Variants in IKZF2 observed in about 807,000 individuals in gnomAD.
IKZF2 encodes zinc finger protein Helios.
In IKZF2, 15 loss-of-function variants were observed where a neutral mutation model predicts 49.2. That is an observed-to-expected ratio of 0.30 (90% CI 0.20 to 0.47). The LOEUF (loss-of-function observed/expected upper bound fraction) is 0.47. Among genes scored for constraint, IKZF2 ranks in the 20% least tolerant of loss-of-function variants. IKZF2 has a pLI of 1.00. For missense variants in IKZF2, 567 were observed against 664.6 expected (o/e 0.85, Z 1.61); for synonymous variants, 227 against 221.4 (o/e 1.03, Z -0.23).
chr2:213,011,091 C>T (rs1455853544), intron 8 of IKZF2, among the ~76,000 whole-genome samples: 2 of 151,780 alleles, frequency 1.3e-5, no homozygotes, highest in Non-Finnish European at 2.9e-5. Context: ...AGAGTCTACT[C>T]GATTTGGCAC....
chr2:213,093,259 T>C (rs1705562203), intron 4 of IKZF2, among the ~76,000 whole-genome samples: 1 of 152,160 alleles, frequency 6.6e-6, no homozygotes, highest in Non-Finnish European at 1.5e-5. Flanking sequence ...AAAAATAAAG[T>C]ATATTACATG....
chr2:213,101,107 G>C (rs1214071360), intron 4 of IKZF2, among the ~76,000 whole-genome samples: 1 of 151,634 alleles, frequency 6.6e-6, no homozygotes, highest in Non-Finnish European at 1.5e-5. Context: ...ATACCTATGA[G>C]GAAAAATATT....
At chr2:213,084,002 C>T (rs1005228446) in intron 4 of IKZF2, among the ~76,000 whole-genome samples, 3 of 152,044 alleles carry the variant, frequency 2.0e-5, no homozygotes, top group African/African-American at 7.3e-5. Flanking sequence ...AAATTGTCTT[C>T]CACAAAACCA....
chr2:213,095,607 A>C (rs1705884173), intron 4 of IKZF2, among the ~76,000 whole-genome samples: 1 of 152,070 alleles, frequency 6.6e-6, no homozygotes, highest in Non-Finnish European at 1.5e-5. Flanking sequence ...TATACCATAA[A>C]CATTTTAAAG....
intron 4 of IKZF2, among the ~76,000 whole-genome samples, chr2:213,068,580 G>A (rs1356573366): frequency 6.6e-6 from 1 of 151,850 alleles, no homozygotes; most frequent in African/African-American, 2.4e-5. Flanking sequence ...AATAGTTATT[G>A]GTCACTATTA....
At chr2:213,151,901 G>C (rs2061293999), upstream of IKZF2, among the ~76,000 whole-genome samples, 1 of 150,922 alleles carries the variant, frequency 6.6e-6, no homozygotes, top group South Asian at 2.1e-4. Context: ...GTGTCTGCGC[G>C]CTAAGCCGCT....
chr2:213,103,832 T>A (rs923723572), intron 4 of IKZF2, among the ~76,000 whole-genome samples: 1 of 152,126 alleles, frequency 6.6e-6, no homozygotes, highest in African/African-American at 2.4e-5. Context: ...ACCATAAAAT[T>A]CCTTAGTTAC....
chr2:213,013,323 A>T (rs1433270592), intron 8 of IKZF2, among the ~76,000 whole-genome samples: 1 of 151,880 alleles, frequency 6.6e-6, no homozygotes, highest in African/African-American at 2.4e-5. Context: ...GACCTTGGCG[A>T]TGACCTTGAG....
intron 4 of IKZF2, among the ~76,000 whole-genome samples, chr2:213,068,473 C>A (rs908316431): frequency 2.0e-5 from 3 of 152,070 alleles, no homozygotes; most frequent in Admixed American, 2.0e-4. Flanking sequence ...GGTTAAGGAT[C>A]TTAAGGTCCC....
intron 4 of IKZF2, among the ~76,000 whole-genome samples, chr2:213,068,134 T>C (rs937927808): frequency 6.6e-6 from 1 of 152,120 alleles, no homozygotes. Context: ...GACAGACATA[T>C]AAGGTATAGT....
At chr2:213,087,796 C>G (rs181335513) in intron 4 of IKZF2, among the ~76,000 whole-genome samples, 81 of 152,258 alleles carry the variant, frequency 5.3e-4, no homozygotes, top group African/African-American at 1.9e-3. Flanking sequence ...ATGATGGTTT[C>G]CAGCTTCATC....
rs2061231430 is a variant in IKZF2 at position 213,150,148 on chromosome 2, G to A, written c.-20C>T. On this transcript the variant is annotated 5_prime_UTR_variant, in exon 2 of 9. Transcript: ENST00000434687. The stretch of plus-strand genomic sequence containing the variant: ...AGAGAAACGAAATGTACATACAAAA[G>A]AAATTGTCCTTTGATTAAAAAAGAT... 6.9e-6 allele frequency: 9 copies of A among 1,300,408 alleles called. No individual in the cohort carries two copies. Among genetic ancestry groups the A allele is most frequent in the Non-Finnish European group, 8.1e-6 (8 of 985,458 alleles). The allele number at this position is 1,300,408 out of a possible 1,614,324, so 80.6% of individuals were successfully genotyped here.
At chr2:213,057,292 A>G (rs1386326652) in intron 4 of IKZF2, among the ~76,000 whole-genome samples, 193 bp from the exon 5 acceptor site, 3 of 152,170 alleles carry the variant, frequency 2.0e-5, no homozygotes, top group Non-Finnish European at 4.4e-5. Flanking sequence ...GGAAGTGAAG[A>G]TAGCTCAGGA....
intron 4 of IKZF2, among the ~76,000 whole-genome samples, chr2:213,066,970 G>A (rs1460483711): frequency 2.6e-5 from 4 of 152,050 alleles, no homozygotes; most frequent in Non-Finnish European, 4.4e-5. Context: ...CATTAAAACT[G>A]TGAAGACTGG....
chr2:213,133,469 G>A (rs921028796), intron 4 of IKZF2, among the ~76,000 whole-genome samples: 1 of 152,082 alleles, frequency 6.6e-6, no homozygotes, highest in Admixed American at 6.6e-5. Flanking sequence ...GGTGGCTCAC[G>A]CCTGTGATCC....
At chr2:213,060,868 A>G (rs1701613573) in intron 4 of IKZF2, among the ~76,000 whole-genome samples, 1 of 151,526 alleles carries the variant, frequency 6.6e-6, no homozygotes, top group Non-Finnish European at 1.5e-5. Context: ...CAAGGAAAGA[A>G]TAAGTTAATA....
intron 4 of IKZF2, among the ~76,000 whole-genome samples, chr2:213,083,383 C>T (rs113872616): frequency 0.012 from 1,457 of 117,320 alleles, 33 homozygotes; most frequent in African/African-American, 0.064. Flanking sequence ...GGACGGCGAA[C>T]CTTTTTTTTT....
At chr2:213,108,117 T>G (rs974270676) in intron 4 of IKZF2, among the ~76,000 whole-genome samples, 11 of 152,238 alleles carry the variant, frequency 7.2e-5, no homozygotes, top group Admixed American at 2.0e-4. Context: ...CAGTGTTTAA[T>G]GAGATTTCCC....
In IKZF2 at chr2:213,007,585, G is replaced by A; in HGVS notation, c.1356C>T (p.Gly452=). The A allele has an allele frequency of 4.3e-6, 7 of 1,613,678 alleles. No individual in the cohort carries two copies. The highest frequency in any genetic ancestry group is 5.1e-6 in the Non-Finnish European group (6 of 1,179,720). ...KALDTTKAPK[G]SLKDIYKVFN... ...AGACCTTGTAGATGTCCTTCAGAGA[G>A]CCCTTAGGAGCCTTGGTAGTATCCA... The change falls in exon 9 of 9, where the codon GGC becomes GGT. Residue 452 remains glycine (G), a synonymous_variant. Coordinates refer to ENST00000434687, the MANE Select transcript of IKZF2 (RefSeq NM_001387220.1).
Sources: gnomAD v4.1 joint callset for allele counts (sites outside exome capture counted in the v4.1 genomes callset) on GRCh38, gnomAD v4.1.1 for gene constraint, MANE v1.5 for transcripts, NCBI Gene and HGNC (gene_info 2026-07-23, HGNC 2026-07-21) for gene names.